The following CYRIA variants were observed in gnomAD, a reference collection of about 807,000 sequenced individuals.
CYRIA encodes CYFIP-related Rac1 interactor A.
Under a neutral mutation model 43.9 loss-of-function variants are expected in CYRIA, and 15 were observed. The ratio of observed to expected loss-of-function variants is 0.34; its 90% CI spans 0.23 to 0.53. The LOEUF (loss-of-function observed/expected upper bound fraction) is 0.53, where lower values mean the gene tolerates loss of function less well. Ranked by LOEUF, CYRIA falls within the 20% of genes least tolerant of loss-of-function variation. CYRIA has a pLI of 0.94. For synonymous variants in CYRIA, 117 were observed against 136.0 expected, an observed-to-expected ratio of 0.86 and a Z score of 0.97; for missense variants, 236 against 394.2, an observed-to-expected ratio of 0.60 and a Z score of 3.40.
intron 2 of CYRIA, among the ~76,000 whole-genome samples, chr2:16,605,562 G>A (rs987217360): frequency 1.3e-5 from 2 of 152,228 alleles, no homozygotes; most frequent in African/African-American, 4.8e-5. Context: ...GGTACCCCAT[G>A]CAGGGCAAGG....
At chr2:16,590,524 T>C (rs899790876) in intron 2 of CYRIA, among the ~76,000 whole-genome samples, 10 of 152,278 alleles carry the variant, frequency 6.6e-5, no homozygotes, top group South Asian at 4.1e-4. Context: ...TTCTGTCCTG[T>C]ATGTGATTTT....
intron 1 of CYRIA, among the ~76,000 whole-genome samples, chr2:16,661,209 A>G (rs1366052858): frequency 6.6e-6 from 1 of 152,136 alleles, no homozygotes; most frequent in East Asian, 1.9e-4. Context: ...GAGGAGGTTG[A>G]GGCTGCAGTG....
intron 2 of CYRIA, among the ~76,000 whole-genome samples, chr2:16,611,247 C>T (rs1240860106): frequency 1.3e-5 from 2 of 151,874 alleles, no homozygotes; most frequent in East Asian, 3.9e-4. Context: ...TGCCTGTAGT[C>T]CCAGCTACTT....
Position 16,650,001 on chromosome 2 carries a change from C to T in CYRIA, c.-167+15779G>A, listed in dbSNP as rs1669929523. 6.6e-6 allele frequency among the ~76,000 whole-genome samples: 1 copy of T among 152,194 alleles called. No homozygotes were observed. Among genetic ancestry groups the T allele is most frequent in the South Asian group, 2.1e-4 (1 of 4,834 alleles). The stretch of plus-strand genomic sequence containing the variant: ...TCAAGTTTCTGCCACCTTGCTCGAT[C>T]GCTTCTGTCATGAGCATGACACATT... On this transcript the variant is annotated intron_variant, in intron 1 of 11. Transcript: ENST00000381323. The surrounding 1 kb of genome is among the most constrained non-coding windows in gnomAD (Gnocchi z 4.1).
chr2:16,645,839 C>G (rs1022803387), intron 1 of CYRIA, among the ~76,000 whole-genome samples: 1 of 152,082 alleles, frequency 6.6e-6, no homozygotes, highest in Non-Finnish European at 1.5e-5. Context: ...ACCTGATATG[C>G]CTGGTAATTT....
At chr2:16,647,055 C>T (rs1479908972) in intron 1 of CYRIA, among the ~76,000 whole-genome samples, 1 of 152,162 alleles carries the variant, frequency 6.6e-6, no homozygotes, top group African/African-American at 2.4e-5. Context: ...TTAAATAAAT[C>T]TCTTTCTATC....
At chr2:16,588,183 T>A in intron 2 of CYRIA, 54 bp from the exon 3 acceptor site, 1 of 1,214,602 alleles carries the variant, frequency 8.2e-7, no homozygotes, top group Non-Finnish European at 1.2e-6. Context: ...AAAAATAGAC[T>A]TGCGTGAATA....
intron 2 of CYRIA, among the ~76,000 whole-genome samples, chr2:16,601,614 A>T (rs1175443605): frequency 6.6e-6 from 1 of 151,818 alleles, no homozygotes; most frequent in Non-Finnish European, 1.5e-5. Flanking sequence ...CTTGGCTCTC[A>T]GTTCAAAACC....
intron 5 of CYRIA, among the ~76,000 whole-genome samples, chr2:16,563,331 C>T (rs747282737): frequency 1.3e-5 from 2 of 152,250 alleles, no homozygotes; most frequent in South Asian, 2.1e-4. Flanking sequence ...GGTCATTACT[C>T]CCCCAAGGTA....
In CYRIA at chr2:16,579,985, G is replaced by A. The variant is rs117501947; in HGVS notation, c.70+8065C>T. ...TTTTTTGAGACAGGGTCTCACTCTA[G>A]CATCCAGACTGAACTGCAGTGGTGT... On this transcript the variant is annotated intron_variant, in intron 3 of 11. Coordinates refer to ENST00000381323, the MANE Select transcript of CYRIA (RefSeq NM_030797.4). 7.5e-4 allele frequency among the ~76,000 whole-genome samples: 113 copies of A among 151,176 alleles called. 2 individuals are homozygous for A. The East Asian group carries it at 0.02, about 26-fold the overall frequency.
chr2:16,560,878 C>T, intron 9 of CYRIA, 112 bp downstream of exon 9: 2 of 893,166 alleles, frequency 2.2e-6, no homozygotes, highest in Non-Finnish European at 1.9e-6. Context: ...AGATAATATA[C>T]ATGAAAACTT....
chr2:16,629,116 T>A (rs1056253461), intron 1 of CYRIA, among the ~76,000 whole-genome samples: 3 of 117,734 alleles, frequency 2.5e-5, no homozygotes, highest in Non-Finnish European at 3.6e-5. Context: ...AGCACGGGAA[T>A]ACAGCTGCCA....
At chr2:16,647,107 A>G (rs573710871) in intron 1 of CYRIA, among the ~76,000 whole-genome samples, 1 of 152,262 alleles carries the variant, frequency 6.6e-6, no homozygotes, top group African/African-American at 2.4e-5. Flanking sequence ...TATTGGTTCT[A>G]TTTATCTGAA....
chr2:16,638,023 C>CG (rs1185248373), intron 1 of CYRIA, among the ~76,000 whole-genome samples: 7 of 152,090 alleles, frequency 4.6e-5, no homozygotes, highest in Admixed American at 3.9e-4. Context: ...GCCTGGGTAA[C>CG]GGGGGGTGAT....
intron 1 of CYRIA, among the ~76,000 whole-genome samples, chr2:16,629,466 A>G (rs1465520537): frequency 6.6e-6 from 1 of 152,230 alleles, no homozygotes; most frequent in East Asian, 1.9e-4. Context: ...CAATACAGGT[A>G]AAGTGCAGAG....
At chr2:16,617,596 G>A (rs1668848128) in intron 2 of CYRIA, among the ~76,000 whole-genome samples, 1 of 152,262 alleles carries the variant, frequency 6.6e-6, no homozygotes, top group African/African-American at 2.4e-5. Context: ...GCAGCCAGGA[G>A]GGTAGGGTAC....
chr2:16,623,840 T>C (rs982705881), intron 2 of CYRIA, 24 bp downstream of exon 2: 1 of 152,252 alleles, frequency 6.6e-6, no homozygotes, highest in South Asian at 2.1e-4. Context: ...CTACACGTTA[T>C]AACGAAAGTC....
chr2:16,651,480 A>G (rs753015025), intron 1 of CYRIA, among the ~76,000 whole-genome samples: 1 of 152,214 alleles, frequency 6.6e-6, no homozygotes, highest in Non-Finnish European at 1.5e-5. Context: ...GGAGAAGTAA[A>G]GTTGATAAAA....
chr2:16,648,007 T>C (rs986123243), intron 1 of CYRIA, among the ~76,000 whole-genome samples: 3 of 152,202 alleles, frequency 2.0e-5, no homozygotes, highest in South Asian at 4.1e-4. Context: ...GTAAACACTT[T>C]ACATGTATCA....
Sources: gnomAD v4.1 joint callset for allele counts (sites outside exome capture counted in the v4.1 genomes callset) on GRCh38, gnomAD v4.1.1 for gene constraint, Gnocchi (gnomAD v3.1) non-coding constraint, MANE v1.5 for transcripts, NCBI Gene and HGNC (gene_info 2026-07-23, HGNC 2026-07-21) for gene names.